Variants in CFAP74 observed in about 807,000 individuals in gnomAD.
CFAP74 encodes the protein cilia and flagella associated protein 74, also known as cilia- and flagella-associated protein 74.
A neutral mutation model predicts 188.9 loss-of-function variants in CFAP74; 124 were observed. The ratio of observed to expected loss-of-function variants is 0.66; its 90% confidence interval spans 0.57 to 0.76. The LOEUF is 0.76. Ranked by LOEUF, CFAP74 falls within the 30% of genes least tolerant of loss-of-function variation. The probability of loss-of-function intolerance (pLI) is 0.00; values close to 1 mark genes in which losing one functional copy is unlikely to be tolerated. For missense variants in CFAP74, 2,198 were observed against 2,165.2 expected, an observed-to-expected ratio of 1.02 and a Z score of -0.30; for synonymous variants, 956 against 916.7, an observed-to-expected ratio of 1.04 and a Z score of -0.77.
chr1:1,983,148 G>A lies in CFAP74; in HGVS notation c.500+2238C>T, dbSNP rs773216324. 1.8e-4 allele frequency among the ~76,000 whole-genome samples: 27 copies of A among 152,140 alleles called. 1 individual carries two copies. The highest frequency in any genetic ancestry group is 3.2e-3 in the Middle Eastern group (1 of 316). ...CGGAGAGCGATCACGGAGGGGGAACGCTCCCCTAACGGTGGAAAGCCAACT... is the reference window on the plus strand; with the variant it reads ...CGGAGAGCGATCACGGAGGGGGAACACTCCCCTAACGGTGGAAAGCCAACT... On this transcript the variant is annotated intron_variant, in intron 6 of 38. Transcript: ENST00000682832.
In CFAP74 at chr1:1,970,806, C is replaced by G; in HGVS notation, c.899G>C (p.Arg300Pro). ...GGCACGGTCCCATGCTTGGAACTTC[C>G]GCAGTGTGTCCTTGGAAACAGAGAG... is the stretch of plus-strand genomic sequence containing the variant. ...GSISANRDTLRKFQAWDRAKA... is the reference protein window; with the variant it reads ...GSISANRDTLPKFQAWDRAKA... The change falls in exon 10 of 39, where the codon CGG (arginine) becomes CCG (proline). Residue 300 changes from arginine (R) to proline (P), a missense_variant. By Grantham distance (103) the Arg-to-Pro change is moderately radical. Transcript: ENST00000682832. 1 of 1,614,120 alleles carries G rather than the reference C, an allele frequency of 6.2e-7. No homozygotes were observed. The highest frequency in any genetic ancestry group is 8.5e-7 in the Non-Finnish European group (1 of 1,179,984).
chr1:1,981,523 GCAC>G (rs1656851936), intron 6 of CFAP74, among the ~76,000 whole-genome samples: 1 of 107,040 alleles, frequency 9.3e-6, no homozygotes, highest in Non-Finnish European at 1.9e-5. Context: ...AGACATGGGG[GCAC>G]GCAGGACACA....
rs2748981 is a variant in CFAP74, at chr1:1,942,014, G to A, written c.2615+14C>T. ...CACGTCCTCCTGTCCCGGCCTTGGC[G>A]TCCTGGCACCTACCGCGGCAGGAAC... On this transcript the variant is annotated intron_variant, in intron 22 of 38. Coordinates refer to ENST00000682832, the MANE Select transcript of CFAP74 (RefSeq NM_001304360.2). This position sits in a 1 kb window ranked among gnomAD's most constrained non-coding sequence, Gnocchi z 4.3. 0.53 allele frequency: 773,956 copies of A among 1,448,050 alleles called. 210,246 individuals carry two copies. The highest frequency in any genetic ancestry group is 0.61 in the East Asian group (22,685 of 37,354). The allele number at this position is 1,448,050 out of a possible 1,614,324, so 89.7% of individuals were successfully genotyped here.
In CFAP74 at chr1:1,924,988, G is replaced by A. The variant is rs548256983; in HGVS notation, c.4105-468C>T. On this transcript the variant is annotated intron_variant, in intron 33 of 38. Coordinates refer to ENST00000682832, the MANE Select transcript of CFAP74 (RefSeq NM_001304360.2). The stretch of plus-strand genomic sequence containing the variant: ...CTCGTGCGAAGGCATGAGGGCACAC[G>A]CTGGTGCGAAGGCATGAGGGCACAC... Among the ~76,000 whole-genome samples the A allele has an allele frequency of 1.2e-3, 184 of 150,694 alleles. 1 individual carries two copies. The highest frequency in any genetic ancestry group is 4.4e-3 in the African/African-American group (180 of 40,604).
intron 38 of CFAP74, 88 bp from the exon 39 acceptor site, chr1:1,922,476 A>C (rs1651458975): frequency 6.5e-7 from 1 of 1,539,336 alleles, no homozygotes; most frequent in South Asian, 1.2e-5. Context: ...TGCCCACCTG[A>C]CTCCCTTGGG....
chr1:1,923,850 G>A lies in CFAP74; in HGVS notation c.4314C>T (p.Asp1438=), dbSNP rs149347956. Residue 1438 remains aspartate (D), a synonymous_variant, in exon 35 of 39, where the codon GAC becomes GAT. Transcript: ENST00000682832. This position sits in a 1 kb window ranked among gnomAD's most constrained non-coding sequence, Gnocchi z 6.3. ...GGTCGGGGCTGAAGGTGACAGTGAA[G>A]TCTTGTGTCTTCCCGGGGTCCATGA... The part of the protein sequence containing the change: ...KGVMDPGKTQ[D]FTVTFSPDHE... 3.0e-4 allele frequency: 483 copies of A among 1,613,400 alleles called. 3 individuals are homozygous for A. In the African/African-American group the frequency reaches 5.1e-3, roughly 17 times the overall value.
At position 1,930,154 on chromosome 1, in the gene CFAP74, G is replaced by T. The variant is rs948345765; in HGVS notation, c.3194C>A (p.Ala1065Asp). Reference protein sequence around the residue: ...HSKPRIGSEDASPMGPTSFEF... With the variant: ...HSKPRIGSEDDSPMGPTSFEF... ...GAAAGACGTGGGCCCCATGGGAGAG[G>T]CGTCCTCTGAGCCAATGCGGGGCTT... The change falls in exon 26 of 39, where the codon GCC becomes GAC. Residue 1065 changes from alanine (A) to aspartate (D), a missense_variant. Transcript: ENST00000682832. The T allele has an allele frequency of 2.0e-6, 3 of 1,535,566 alleles. No individual in the cohort carries two copies. Among genetic ancestry groups the T allele is most frequent in the African/African-American group, 1.4e-5 (1 of 73,036 alleles).
chr1:1,960,452 A>G (rs1655003120), intron 14 of CFAP74, among the ~76,000 whole-genome samples: 1 of 152,224 alleles, frequency 6.6e-6, no homozygotes, highest in Non-Finnish European at 1.5e-5. Flanking sequence ...TGGAACTGGG[A>G]GTCCTGAGAC....
At chr1:1,959,640 T>C (rs962056241) in intron 15 of CFAP74, among the ~76,000 whole-genome samples, 1 of 152,024 alleles carries the variant, frequency 6.6e-6, no homozygotes, top group Admixed American at 6.5e-5. Context: ...CCAGCTCGGG[T>C]GACCCCAGGG....
chr1:1,948,901 C>T (rs1170454739), intron 18 of CFAP74, among the ~76,000 whole-genome samples: 20 of 136,938 alleles, frequency 1.5e-4, no homozygotes, highest in Middle Eastern at 4.0e-3. Context: ...CTCCCTCCTT[C>T]CCTTCCTTCC....
At chr1:1,984,526 C>A in intron 6 of CFAP74, 1 of 152,250 alleles carries the variant, frequency 6.6e-6, no homozygotes. Context: ...GCACCCCTCC[C>A]ACTGCCCACA....
intron 1 of CFAP74, among the ~76,000 whole-genome samples, chr1:1,994,938 C>T (rs2102116310): frequency 6.6e-6 from 1 of 152,144 alleles, no homozygotes; most frequent in South Asian, 2.1e-4. Flanking sequence ...GGTAGCTGTC[C>T]CTGCAGACAG....
chr1:1,948,117 C>T (rs1333495425), intron 18 of CFAP74, among the ~76,000 whole-genome samples: 2 of 152,130 alleles, frequency 1.3e-5, no homozygotes, highest in Non-Finnish European at 2.9e-5. Context: ...GTGATCTGCC[C>T]ACCTTGGCCT....
At chr1:1,964,670 A>G (rs1237110657) in intron 13 of CFAP74, among the ~76,000 whole-genome samples, 1 of 152,188 alleles carries the variant, frequency 6.6e-6, no homozygotes, top group East Asian at 1.9e-4. Flanking sequence ...GGCGCCTGTA[A>G]TCCCTGCTAC....
intron 6 of CFAP74, 38 bp downstream of exon 6, chr1:1,985,348 G>A (rs766342905): frequency 1.3e-6 from 2 of 1,562,212 alleles, no homozygotes; most frequent in East Asian, 4.5e-5. Flanking sequence ...CCGTTCTGGG[G>A]CCTGCCTGCT....
At chr1:1,981,114 C>T (rs547831045) in intron 6 of CFAP74, among the ~76,000 whole-genome samples, 3 of 152,350 alleles carry the variant, frequency 2.0e-5, no homozygotes, top group Non-Finnish European at 2.9e-5. Context: ...CGCACACACC[C>T]GTGCTATTTC....
chr1:1,959,854 G>T, intron 15 of CFAP74, 110 bp downstream of exon 15: 1 of 891,652 alleles, frequency 1.1e-6, no homozygotes, highest in Non-Finnish European at 1.7e-6. Context: ...GATCCTCACT[G>T]AGAGGCCAAG....
chr1:1,988,816 TCA>T, intron 3 of CFAP74, 71 bp downstream of exon 3: 1 of 569,882 alleles, frequency 1.8e-6, no homozygotes, highest in Non-Finnish European at 2.9e-6. Flanking sequence ...CCCGCTCCCT[TCA>T]CCCACCCCCC....
At chr1:1,991,782 G>A (rs1323469603) in intron 1 of CFAP74, among the ~76,000 whole-genome samples, 16 of 152,172 alleles carry the variant, frequency 1.1e-4, no homozygotes, top group East Asian at 5.8e-4. Context: ...GCTCACACCT[G>A]TAATCCCAGC....
Sources: gnomAD v4.1 joint callset for allele counts (sites outside exome capture counted in the v4.1 genomes callset) on GRCh38, gnomAD v4.1.1 for gene constraint, Gnocchi (gnomAD v3.1) non-coding constraint, MANE v1.5 for transcripts, NCBI Gene and HGNC (gene_info 2026-07-23, HGNC 2026-07-21) for gene names.